The following RASAL2 variants were observed in gnomAD, a reference collection of about 807,000 sequenced individuals.
RASAL2 encodes RAS protein activator like 2.
A neutral mutation model predicts 128.9 loss-of-function variants in RASAL2; 58 were observed. That is an observed-to-expected ratio of 0.45 (90% CI 0.36 to 0.56). The LOEUF is 0.56. RASAL2 is among the 20% of genes least tolerant of loss of function. RASAL2 has a pLI of 0.00. For synonymous variants in RASAL2, 561 were observed against 580.8 expected (o/e 0.97, Z 0.49); for missense variants, 1,360 against 1,601.6 (o/e 0.85, Z 2.57).
At chr1:178,374,453 G>C (rs1024990272) in intron 3 of RASAL2, among the ~76,000 whole-genome samples, 1 of 152,066 alleles carries the variant, frequency 6.6e-6, no homozygotes, top group Non-Finnish European at 1.5e-5. Flanking sequence ...CAGAAGGGGG[G>C]ATGCAAGAAA....
chr1:178,207,238 C>T (rs1663082610), intron 1 of RASAL2, among the ~76,000 whole-genome samples: 2 of 151,498 alleles, frequency 1.3e-5, no homozygotes, highest in Non-Finnish European at 2.9e-5. Context: ...AACATTCTGA[C>T]CTTATATCCA....
chr1:178,380,052 A>T (rs988834499), intron 3 of RASAL2, among the ~76,000 whole-genome samples: 5 of 152,058 alleles, frequency 3.3e-5, no homozygotes, highest in African/African-American at 1.2e-4. Context: ...ACGCCCAGCT[A>T]ATTTTTGTAT....
At chr1:178,319,996 T>C (rs1001560226) in intron 3 of RASAL2, among the ~76,000 whole-genome samples, 1 of 151,534 alleles carries the variant, frequency 6.6e-6, no homozygotes, top group African/African-American at 2.4e-5. Context: ...TTCTGTTTGT[T>C]AGTTTTCCTT....
intron 12 of RASAL2, chr1:178,456,475 C>T: frequency 1.7e-6 from 1 of 580,766 alleles, no homozygotes; most frequent in Non-Finnish European, 3.1e-6. Flanking sequence ...TTGCATAATC[C>T]TGATTTCGAT....
At chr1:178,183,792 G>A (rs1477868611) in intron 1 of RASAL2, among the ~76,000 whole-genome samples, 1 of 152,150 alleles carries the variant, frequency 6.6e-6, no homozygotes, top group Non-Finnish European at 1.5e-5. Flanking sequence ...TTTCTGTGTG[G>A]ACATAAGTTT....
intron 1 of RASAL2, among the ~76,000 whole-genome samples, chr1:178,280,871 A>C (rs1445302597): frequency 6.6e-6 from 1 of 152,082 alleles, no homozygotes; most frequent in East Asian, 1.9e-4. Flanking sequence ...TAGAGCAAAA[A>C]ATAAGATAGG....
chr1:178,386,847 T>C (rs944617522), intron 3 of RASAL2, among the ~76,000 whole-genome samples: 2 of 152,178 alleles, frequency 1.3e-5, no homozygotes, highest in Non-Finnish European at 2.9e-5. Flanking sequence ...AGCTGTCTAA[T>C]TTTGGTCTAC....
At chr1:178,319,806 T>A (rs1409814954) in intron 3 of RASAL2, among the ~76,000 whole-genome samples, 1 of 152,226 alleles carries the variant, frequency 6.6e-6, no homozygotes, top group African/African-American at 2.4e-5. Context: ...TCAAAGTCAT[T>A]CTCCATCCAG....
intron 1 of RASAL2, among the ~76,000 whole-genome samples, chr1:178,240,876 G>C (rs1420528121): frequency 6.6e-6 from 1 of 151,124 alleles, no homozygotes; most frequent in African/African-American, 2.4e-5. Flanking sequence ...GGAAGATTTT[G>C]TTAGTTTTTA....
intron 1 of RASAL2, among the ~76,000 whole-genome samples, chr1:178,096,815 G>A (rs1305444344): frequency 2.0e-5 from 3 of 151,936 alleles, no homozygotes; most frequent in African/African-American, 4.8e-5. Context: ...TTCCTCTGAG[G>A]CAGCTCATCC....
intron 17 of RASAL2, among the ~76,000 whole-genome samples, chr1:178,472,849 C>T (rs1055603747): frequency 1.3e-5 from 2 of 152,176 alleles, no homozygotes; most frequent in East Asian, 3.9e-4. Context: ...AAAAGTCCTG[C>T]TATGCTGAAA....
chr1:178,295,481 A>G (rs1667453867), intron 2 of RASAL2, among the ~76,000 whole-genome samples: 1 of 151,134 alleles, frequency 6.6e-6, no homozygotes. Flanking sequence ...TTTTTTTTTA[A>G]AGCTCCCATA....
At chr1:178,191,583 C>T (rs1210679688) in intron 1 of RASAL2, among the ~76,000 whole-genome samples, 1 of 152,184 alleles carries the variant, frequency 6.6e-6, no homozygotes, top group African/African-American at 2.4e-5. Flanking sequence ...CTGCCGTTTA[C>T]ACGTTAGCTT....
At chr1:178,238,206 A>G (rs766623954) in intron 1 of RASAL2, among the ~76,000 whole-genome samples, 2 of 152,176 alleles carry the variant, frequency 1.3e-5, no homozygotes, top group Non-Finnish European at 2.9e-5. Context: ...AGCTTCTTTT[A>G]CTTAGCATAA....
intron 1 of RASAL2, among the ~76,000 whole-genome samples, chr1:178,155,467 A>C (rs1261216024): frequency 6.6e-6 from 1 of 151,754 alleles, no homozygotes; most frequent in Non-Finnish European, 1.5e-5. Flanking sequence ...ACCAGCAAAA[A>C]AAAAAAAAAA....
intron 5 of RASAL2, 72 bp from the exon 6 acceptor site, chr1:178,439,350 C>A: frequency 7.6e-7 from 1 of 1,319,768 alleles, no homozygotes; most frequent in Non-Finnish European, 1.0e-6. Context: ...TATTGTTATC[C>A]TCCATTGCAT....
chr1:178,260,350 C>CAAAAAAA (rs1243797175), intron 1 of RASAL2, among the ~76,000 whole-genome samples: 1 of 434 alleles, frequency 2.3e-3, no homozygotes, highest in African/African-American at 4.5e-3. Context: ...AGACTCGTCT[C>CAAAAAAA]AAAAAAAAAA....
At chr1:178,299,368 T>C (rs1453615730) in intron 2 of RASAL2, among the ~76,000 whole-genome samples, 1 of 152,208 alleles carries the variant, frequency 6.6e-6, no homozygotes, top group African/African-American at 2.4e-5. Context: ...CAGTTTCTGA[T>C]ATAGAAAAAC....
chr1:178,281,131 TC>T (rs1557874495), intron 1 of RASAL2, among the ~76,000 whole-genome samples: 1 of 151,792 alleles, frequency 6.6e-6, no homozygotes, highest in East Asian at 1.9e-4. Flanking sequence ...TTGTTTTTTT[TC>T]CCCCCTTGGT....
Sources: allele counts gnomAD v4.1 joint callset (sites outside exome capture counted in the v4.1 genomes callset), GRCh38; gene constraint gnomAD v4.1.1; transcripts MANE v1.5; gene names NCBI Gene and HGNC (gene_info 2026-07-23, HGNC 2026-07-21).